The following TCEA2 variants were observed in gnomAD, a reference collection of about 807,000 sequenced individuals.
TCEA2 encodes transcription elongation factor A2, also known as transcription elongation factor A protein 2.
TCEA2 carries 21 observed loss-of-function variants against 40.8 expected under a neutral mutation model. The ratio of observed to expected loss-of-function variants is 0.51; its 90% confidence interval spans 0.36 to 0.74. The LOEUF (loss-of-function observed/expected upper bound fraction) is 0.74, where lower values mean the gene tolerates loss of function less well. TCEA2 is among the 30% of genes least tolerant of loss of function. The probability of loss-of-function intolerance (pLI) is 0.00; values close to 1 mark genes in which losing one functional copy is unlikely to be tolerated. For missense variants in TCEA2, 326 were observed against 426.5 expected (o/e 0.76, Z 2.08); for synonymous variants, 165 against 162.7 (o/e 1.01, Z -0.11).
rs540447492 is a variant in TCEA2 at position 64,069,366 on chromosome 20, A to G, written c.335A>G (p.Lys112Arg). The G allele has an allele frequency of 8.8e-6, 14 of 1,585,492 alleles. No homozygotes were observed. The African/African-American group carries it at 1.5e-4, about 17-fold the overall frequency. The change falls in exon 5 of 10, where the codon AAG becomes AGG. Residue 112 changes from lysine (K) to arginine (R), a missense_variant. By Grantham distance (26) the Lys-to-Arg change is conservative. Transcript: ENST00000343484. ...CTGGCCCTGGCTCTCTGCAGCCGCA[A>G]GAGGCCGGAGCTGCCCAGGGCACCG... ...DASEAPDPSR[K>R]RPELPRAPST...
At chr20:64,067,949 C>T (rs1412922214) in intron 3 of TCEA2, 98 bp from the exon 4 acceptor site, 24 of 887,272 alleles carry the variant, frequency 2.7e-5, no homozygotes, top group Non-Finnish European at 3.7e-5. Flanking sequence ...GGGCTGGGGC[C>T]GTGTTGGTGG....
At chr20:64,060,066 C>T (rs1171830817), upstream of TCEA2, among the ~76,000 whole-genome samples, 4 of 152,226 alleles carry the variant, frequency 2.6e-5, no homozygotes, top group Non-Finnish European at 5.9e-5. Flanking sequence ...CTGGCAGCTC[C>T]TTGATGCTTC....
intron 1 of TCEA2, among the ~76,000 whole-genome samples, chr20:64,065,057 A>G (rs1011380137): frequency 2.6e-5 from 4 of 152,014 alleles, no homozygotes; most frequent in African/African-American, 9.7e-5. Context: ...GGCGCTGTGC[A>G]GTGGGGAGTG....
chr20:64,063,436 C>A, intron 1 of TCEA2, 52 bp downstream of exon 1: 4 of 1,533,118 alleles, frequency 2.6e-6, no homozygotes, highest in Non-Finnish European at 3.5e-6. Flanking sequence ...GCCGAGACCC[C>A]GTCGAGCCCG....
chr20:64,065,771 G>A (rs1454489219), intron 1 of TCEA2: 2 of 152,640 alleles, frequency 1.3e-5, no homozygotes, highest in Non-Finnish European at 2.9e-5. Context: ...TCCAGGCGAG[G>A]GGTGCTGGCC....
chr20:64,072,221 C>T lies in TCEA2; in HGVS notation c.*41C>T, dbSNP rs2059856236. The T allele has an allele frequency of 1.3e-6, 2 of 1,599,420 alleles. No homozygotes were observed. Among genetic ancestry groups the T allele is most frequent in the Admixed American group, 3.4e-5 (2 of 59,036 alleles). On this transcript the variant is annotated 3_prime_UTR_variant, in exon 10 of 10. Transcript: ENST00000343484. The stretch of plus-strand genomic sequence containing the variant: ...TGCTGCAGCCTTGGGCCCTCCCCGG[C>T]CCACGTCCTCCGTTGACACAGCTTC...
At position 64,066,109 on chromosome 20, in the gene TCEA2, C is replaced by T. The variant is rs1465874199; in HGVS notation, c.73-367C>T. 8 of 182,784 alleles carry T rather than the reference C, an allele frequency of 4.4e-5. No homozygotes were observed. The East Asian group carries it at 6.0e-4, about 14-fold the overall frequency. The allele number at this position is 182,784 out of a possible 1,614,324, so 11.3% of individuals were successfully genotyped here. A position where few individuals can be genotyped will look rare whatever the true frequency, so the allele number is the denominator to read the frequency against. The stretch of plus-strand genomic sequence containing the variant: ...GTGGCCCTGGCTGCTGGGGAGGGGC[C>T]GTGGCTCTGAAGCCTCATGATTGGC... On this transcript the variant is annotated intron_variant, in intron 1 of 9. Transcript: ENST00000343484.
chr20:64,072,162 T>A lies in TCEA2; in HGVS notation c.892-10T>A. ...CCACAAGGCTGGAGGCCTCACCCCC[T>A]TTCTCGCAGTTCTGCTGACCCCTCG... On this transcript the variant is annotated splice_polypyrimidine_tract_variant and intron_variant, in intron 9 of 9. Coordinates refer to ENST00000343484, the MANE Select transcript of TCEA2 (RefSeq NM_003195.6). 1.2e-6 allele frequency: 2 copies of A among 1,613,626 alleles called. No homozygotes were observed. The highest frequency in any genetic ancestry group is 1.7e-6 in the Non-Finnish European group (2 of 1,179,768).
intron 6 of TCEA2, 116 bp downstream of exon 6, chr20:64,069,937 G>C: frequency 7.6e-7 from 1 of 1,323,900 alleles, no homozygotes; most frequent in African/African-American, 1.4e-5. Flanking sequence ...GGGGTCACCT[G>C]CCTGGGTGGT....
chr20:64,063,716 G>T, intron 1 of TCEA2: 3 of 325,470 alleles, frequency 9.2e-6, no homozygotes, highest in Non-Finnish European at 1.7e-5. Flanking sequence ...CAGACCCCCA[G>T]CCTGGCCCGT....
At chr20:64,066,401 T>C in intron 1 of TCEA2, 75 bp from the exon 2 acceptor site, 1 of 1,548,662 alleles carries the variant, frequency 6.5e-7, no homozygotes, top group African/African-American at 1.4e-5. Flanking sequence ...TGTGTTCTCC[T>C]CCAGTAGGCA....
chr20:64,063,435 C>T (rs916185304), intron 1 of TCEA2, 51 bp downstream of exon 1: 12 of 1,533,554 alleles, frequency 7.8e-6, no homozygotes, highest in East Asian at 2.5e-5. Flanking sequence ...CGCCGAGACC[C>T]CGTCGAGCCC....
At chr20:64,063,423 C>A (rs985024564) in intron 1 of TCEA2, 39 bp downstream of exon 1, 3 of 1,538,116 alleles carry the variant, frequency 2.0e-6, no homozygotes, top group Non-Finnish European at 2.6e-6. Flanking sequence ...GGAACCCCGC[C>A]CCGCCGAGAC....
Position 64,063,389 on chromosome 20 carries a change from G to C in TCEA2, c.72+5G>C. 1.3e-6 allele frequency: 2 copies of C among 1,545,612 alleles called. No individual in the cohort carries two copies. Among genetic ancestry groups the C allele is most frequent in the Non-Finnish European group, 1.7e-6 (2 of 1,146,174 alleles). ...ATGGTGACCAAGAAGAGCGCGGTGA[G>C]GGGCGCGGGCCGCCAGGACCCCGGG... On this transcript the variant is annotated splice_donor_5th_base_variant and intron_variant, in intron 1 of 9. Transcript: ENST00000343484.
chr20:64,070,836 T>G (rs1001493748), intron 8 of TCEA2, among the ~76,000 whole-genome samples: 1 of 152,230 alleles, frequency 6.6e-6, no homozygotes, highest in African/African-American at 2.4e-5. Context: ...GGGCGGCGTC[T>G]TGGGTGGTGG....
chr20:64,063,097 C>CGCGGGCGCGGCGGGCGCGGCAG (rs1555927602), upstream of TCEA2: 15 of 288,568 alleles, frequency 5.2e-5, no homozygotes, highest in African/African-American at 3.1e-4. Flanking sequence ...TGGTCCAGAG[C>CGCGGGCGCGGCGGGCGCGGCAG]GCGGGCGCGG....
At chr20:64,067,400 G>A (rs1456293278) in intron 3 of TCEA2, among the ~76,000 whole-genome samples, 2 of 152,200 alleles carry the variant, frequency 1.3e-5, no homozygotes, top group African/African-American at 4.8e-5. Context: ...GAGAGGGGAA[G>A]CGGGAGGGAG....
At position 64,070,369 on chromosome 20, in the gene TCEA2, G is replaced by A; in HGVS notation, c.627G>A (p.Leu209=). The change falls in exon 7 of 10, where the codon CTG becomes CTA. Residue 209 remains leucine, a synonymous_variant. Transcript: ENST00000343484. ...AKNPDLRRNV[L]CGAITPQQIA... is the part of the protein sequence containing the mutation. ...ACCCTGACCTGCGGCGGAATGTGCT[G>A]TGTGGGGCCATAACACCCCAGCAGA... The A allele has an allele frequency of 6.2e-7, 1 of 1,614,234 alleles. No individual in the cohort carries two copies. The highest frequency in any genetic ancestry group is 8.5e-7 in the Non-Finnish European group (1 of 1,180,036).
chr20:64,060,786 C>T (rs1312222327), upstream of TCEA2, among the ~76,000 whole-genome samples: 1 of 151,994 alleles, frequency 6.6e-6, no homozygotes, highest in Non-Finnish European at 1.5e-5. Context: ...ATGCTTTTTC[C>T]CTATGATTGA....
Sources: allele counts gnomAD v4.1 joint callset (sites outside exome capture counted in the v4.1 genomes callset), GRCh38; gene constraint gnomAD v4.1.1; transcripts MANE v1.5; gene names NCBI Gene and HGNC (gene_info 2026-07-23, HGNC 2026-07-21).